Variants in HS3ST2 observed in about 807,000 individuals in gnomAD.
HS3ST2 encodes heparan sulfate-glucosamine 3-sulfotransferase 2.
HS3ST2 carries 17 observed loss-of-function variants against 26.3 expected under a neutral mutation model. The ratio of observed to expected loss-of-function variants is 0.65; its 90% CI spans 0.44 to 0.97. HS3ST2 has a LOEUF of 0.97. Ranked by LOEUF, HS3ST2 falls within the 50% of genes least tolerant of loss-of-function variation. HS3ST2 has a pLI of 0.00. For synonymous variants in HS3ST2, 237 were observed against 219.2 expected (o/e 1.08, Z -0.72); for missense variants, 402 against 501.2 (o/e 0.80, Z 1.89).
intron 1 of HS3ST2, among the ~76,000 whole-genome samples, chr16:22,866,372 G>A (rs1318835698): frequency 2.3e-3 from 116 of 51,246 alleles, no homozygotes; most frequent in Non-Finnish European, 4.8e-3. Flanking sequence ...TGGTGTGCGT[G>A]TGTGTGTGTG....
chr16:22,824,471 C>T (rs565598262), intron 1 of HS3ST2, among the ~76,000 whole-genome samples: 11 of 152,240 alleles, frequency 7.2e-5, no homozygotes, highest in East Asian at 3.9e-4. Flanking sequence ...GGCGTGAACC[C>T]GGGAGGCAGA....
chr16:22,837,483 A>ATGTGTGTG (rs111354737), intron 1 of HS3ST2, among the ~76,000 whole-genome samples: 32 of 144,992 alleles, frequency 2.2e-4, no homozygotes, highest in African/African-American at 7.4e-4. Flanking sequence ...TTTTTTTCCT[A>ATGTGTGTG]TGTGTGTGTG....
chr16:22,818,649 T>G lies in HS3ST2; in HGVS notation c.485+3554T>G, dbSNP rs146773212. Among the ~76,000 whole-genome samples the G allele has an allele frequency of 1.5e-4, 23 of 149,716 alleles. No individual in the cohort carries two copies. In the East Asian group the frequency reaches 4.6e-3, roughly 30 times the overall value. ...CCTCCTTCCCTCTCTCCCCTTTCCC[T>G]TCTCCTTTTCCTTCCTTCCTTCCTT... On this transcript the variant is annotated intron_variant, in intron 1 of 1. Transcript: ENST00000261374.
intron 1 of HS3ST2, among the ~76,000 whole-genome samples, chr16:22,873,290 T>C (rs1463661958): frequency 1.3e-5 from 2 of 152,202 alleles, no homozygotes; most frequent in Non-Finnish European, 2.9e-5. Flanking sequence ...AAGCAGAATC[T>C]ATTTCACAGG....
chr16:22,902,979 T>C (rs1241702503), intron 1 of HS3ST2, among the ~76,000 whole-genome samples: 2 of 152,160 alleles, frequency 1.3e-5, no homozygotes, highest in Non-Finnish European at 2.9e-5. Context: ...GTGTTTATAG[T>C]GTAGGTGCTG....
chr16:22,844,723 C>T (rs1254966068), intron 1 of HS3ST2, among the ~76,000 whole-genome samples: 1 of 152,148 alleles, frequency 6.6e-6, no homozygotes, highest in Non-Finnish European at 1.5e-5. Context: ...CCATGTAAGA[C>T]GTGCTTGCTT....
chr16:22,838,972 G>GCA (rs1211889026), intron 1 of HS3ST2, among the ~76,000 whole-genome samples: 1 of 152,184 alleles, frequency 6.6e-6, no homozygotes, highest in Non-Finnish European at 1.5e-5. Flanking sequence ...AGTCCAGCCT[G>GCA]CACAGCACAA....
chr16:22,899,731 A>C (rs1308268310), intron 1 of HS3ST2, among the ~76,000 whole-genome samples: 1 of 152,216 alleles, frequency 6.6e-6, no homozygotes, highest in Admixed American at 6.5e-5. Flanking sequence ...AACAGGCAAG[A>C]GAGAGAGCAT....
chr16:22,914,858 C>T, intron 1 of HS3ST2, 86 bp from the exon 2 acceptor site: 1 of 1,396,932 alleles, frequency 7.2e-7, no homozygotes, highest in East Asian at 2.3e-5. Flanking sequence ...TGCAACAGGC[C>T]CCTGGGTGGA....
Position 22,914,763 on chromosome 16 carries a change from A to AAAAAG in HS3ST2, c.486-180_486-179insAAAGA, listed in dbSNP as rs1489223344. Among the ~76,000 whole-genome samples, 33 of 118,690 alleles carry AAAAAG rather than the reference A, an allele frequency of 2.8e-4. 4 individuals are homozygous for AAAAAG. The highest frequency in any genetic ancestry group is 8.3e-4 in the African/African-American group (22 of 26,624). The allele number at this position is 118,690 out of a possible 152,430, so 77.9% of individuals were successfully genotyped here. ...AAAAAAAAAAAAAAAAAAAAAAAAA[A>AAAAAG]AGAGAAGAAAAGAAAATCAACAAGA... On this transcript the variant is annotated intron_variant, in intron 1 of 1. Coordinates refer to ENST00000261374, the MANE Select transcript of HS3ST2 (RefSeq NM_006043.2).
intron 1 of HS3ST2, among the ~76,000 whole-genome samples, chr16:22,914,022 C>T (rs145375527): frequency 4.1e-4 from 63 of 152,024 alleles, no homozygotes; most frequent in African/African-American, 1.4e-3. Context: ...CCTGTAGTCC[C>T]GGCTTCTTGA....
chr16:22,890,704 A>C (rs761253141), intron 1 of HS3ST2, among the ~76,000 whole-genome samples: 2 of 152,218 alleles, frequency 1.3e-5, no homozygotes, highest in Non-Finnish European at 2.9e-5. Context: ...AAAGAGGTTA[A>C]ATAGCTTACC....
intron 1 of HS3ST2, among the ~76,000 whole-genome samples, chr16:22,910,393 G>T (rs74968805): frequency 6.6e-6 from 1 of 152,140 alleles, no homozygotes; most frequent in Non-Finnish European, 1.5e-5. Flanking sequence ...GTTTAAATGC[G>T]CTGTTACACT....
chr16:22,910,037 C>CAAAAAAAAAAAAAAAAAA (rs774757407), intron 1 of HS3ST2, among the ~76,000 whole-genome samples: 1 of 97,034 alleles, frequency 1.0e-5, no homozygotes, highest in South Asian at 4.1e-4. Flanking sequence ...AACTCCATCT[C>CAAAAAAAAAAAAAAAAAA]AAAAAAAAAA....
At chr16:22,858,389 A>G (rs1220620149) in intron 1 of HS3ST2, among the ~76,000 whole-genome samples, 2 of 151,648 alleles carry the variant, frequency 1.3e-5, no homozygotes, top group Non-Finnish European at 2.9e-5. Context: ...AAAAAGATGT[A>G]CAAGCATGCA....
intron 1 of HS3ST2, among the ~76,000 whole-genome samples, chr16:22,864,244 C>T (rs1256567840): frequency 2.6e-5 from 4 of 152,168 alleles, no homozygotes; most frequent in Non-Finnish European, 4.4e-5. Context: ...CCCTCAGTGA[C>T]TGTCTTAATC....
At chr16:22,870,966 A>G (rs1901828623) in intron 1 of HS3ST2, among the ~76,000 whole-genome samples, 1 of 152,250 alleles carries the variant, frequency 6.6e-6, no homozygotes, top group African/African-American at 2.4e-5. Flanking sequence ...AGCCTTCAGT[A>G]GAAACCATAC....
Position 22,814,564 on chromosome 16 carries a change from C to T in HS3ST2, c.-47C>T. ...CGCAGGGCCACAGCAGCTCAGCCGC[C>T]GGTGCCCCCTCGGAAACCATGACCC... On this transcript the variant is annotated 5_prime_UTR_variant, in exon 1 of 2. Coordinates refer to ENST00000261374, the MANE Select transcript of HS3ST2 (RefSeq NM_006043.2). 2 of 1,467,450 alleles carry T rather than the reference C, an allele frequency of 1.4e-6. No individual in the cohort carries two copies. The highest frequency in any genetic ancestry group is 2.6e-5 in the East Asian group (1 of 37,878). The allele number at this position is 1,467,450 out of a possible 1,614,324, so 90.9% of individuals were successfully genotyped here. A position where few individuals can be genotyped will look rare whatever the true frequency, so the allele number is the denominator to read the frequency against.
rs765330717 is a variant in HS3ST2 at position 22,815,078 on chromosome 16, C to A, written c.468C>A (p.Arg156=). Residue 156 remains arginine, a synonymous_variant, in exon 1 of 2, where the codon CGC becomes CGA. Coordinates refer to ENST00000261374, the MANE Select transcript of HS3ST2 (RefSeq NM_006043.2). ...ACTTCTTTGACAGGAACTACGGCCG[C>A]GGGCTGGATTGGTACAGGTAAGGAC... ...EPHFFDRNYG[R]GLDWYRSLMP... is the part of the protein sequence containing the mutation. The A allele has an allele frequency of 5.6e-6, 9 of 1,612,980 alleles. No homozygotes were observed. The East Asian group carries it at 1.8e-4, about 32-fold the overall frequency.
Sources: gnomAD v4.1 joint callset for allele counts (sites outside exome capture counted in the v4.1 genomes callset) on GRCh38, gnomAD v4.1.1 for gene constraint, MANE v1.5 for transcripts, NCBI Gene and HGNC (gene_info 2026-07-23, HGNC 2026-07-21) for gene names.